Variants in ROBO2 observed in about 807,000 individuals in gnomAD.
ROBO2 encodes roundabout homolog 2.
A neutral mutation model predicts 160.8 loss-of-function variants in ROBO2; 53 were observed. The ratio of observed to expected loss-of-function variants is 0.33; its 90% CI spans 0.26 to 0.41. The LOEUF is 0.41. Ranked by LOEUF, ROBO2 falls within the 10% of genes least tolerant of loss-of-function variation. The pLI is 1.00. For missense variants in ROBO2, 1,577 were observed against 1,722.4 expected, an observed-to-expected ratio of 0.92 and a Z score of 1.49; for synonymous variants, 664 against 611.7, an observed-to-expected ratio of 1.09 and a Z score of -1.26.
chr3:77,255,731 A>T (rs769140272), intron 2 of ROBO2, among the ~76,000 whole-genome samples: 3 of 152,226 alleles, frequency 2.0e-5, no homozygotes, highest in Non-Finnish European at 4.4e-5. Flanking sequence ...TTTTGTGTTC[A>T]TGGTGGAGGA....
chr3:76,072,395 T>A (rs1291154546), intron 2 of ROBO2, among the ~76,000 whole-genome samples: 1 of 152,156 alleles, frequency 6.6e-6, no homozygotes, highest in Non-Finnish European at 1.5e-5. Flanking sequence ...TAGCCAATGC[T>A]ATATATTTCT....
intron 2 of ROBO2, among the ~76,000 whole-genome samples, chr3:76,598,991 A>G (rs947970759): frequency 6.6e-6 from 1 of 152,200 alleles, no homozygotes; most frequent in African/African-American, 2.4e-5. Flanking sequence ...CTTCAAAGAC[A>G]GCAAAAAGTA....
chr3:76,814,135 T>C (rs548435777), intron 2 of ROBO2, among the ~76,000 whole-genome samples: 4 of 152,218 alleles, frequency 2.6e-5, no homozygotes, highest in Admixed American at 2.0e-4. Flanking sequence ...CTGGTTAGTA[T>C]GTAAGATAAA....
At chr3:76,483,559 A>G (rs1025680603) in intron 2 of ROBO2, among the ~76,000 whole-genome samples, 1 of 152,112 alleles carries the variant, frequency 6.6e-6, no homozygotes, top group Non-Finnish European at 1.5e-5. Context: ...TATTATCTCT[A>G]CCAGAATGTT....
At chr3:76,774,703 C>T (rs952396848) in intron 2 of ROBO2, among the ~76,000 whole-genome samples, 4 of 150,492 alleles carry the variant, frequency 2.7e-5, no homozygotes, top group East Asian at 2.0e-4. Flanking sequence ...TAATTATTTG[C>T]GTTTGAAAGA....
At chr3:76,472,753 A>C (rs1202067751) in intron 2 of ROBO2, among the ~76,000 whole-genome samples, 3 of 152,192 alleles carry the variant, frequency 2.0e-5, no homozygotes, top group Admixed American at 1.3e-4. Context: ...AGATGCTTGA[A>C]AGGCATCAGA....
At chr3:76,820,507 G>A (rs1012979378) in intron 2 of ROBO2, among the ~76,000 whole-genome samples, 4 of 151,890 alleles carry the variant, frequency 2.6e-5, no homozygotes, top group African/African-American at 7.3e-5. Context: ...TCCTGGTAGG[G>A]CCAATAAAGA....
chr3:76,788,900 T>A (rs1270773625), intron 2 of ROBO2, among the ~76,000 whole-genome samples: 1 of 151,600 alleles, frequency 6.6e-6, no homozygotes, highest in Non-Finnish European at 1.5e-5. Context: ...ACTGATCCTA[T>A]TATAGCAAAT....
chr3:76,561,298 A>G (rs1054480558), intron 2 of ROBO2, among the ~76,000 whole-genome samples: 10 of 152,132 alleles, frequency 6.6e-5, no homozygotes, highest in Non-Finnish European at 1.3e-4. Context: ...CGAGAGGAGG[A>G]AGCAGTCAAA....
chr3:76,074,539 C>A (rs2068580720), intron 2 of ROBO2, among the ~76,000 whole-genome samples: 1 of 152,018 alleles, frequency 6.6e-6, no homozygotes, highest in Non-Finnish European at 1.5e-5. Flanking sequence ...ACAGAGGTGC[C>A]AAAACATATC....
chr3:77,350,904 A>C (rs2068259525), intron 2 of ROBO2, among the ~76,000 whole-genome samples: 1 of 152,182 alleles, frequency 6.6e-6, no homozygotes, highest in Non-Finnish European at 1.5e-5. Flanking sequence ...CCAGCCAGAG[A>C]ACTAAACACA....
At chr3:77,436,488 T>A (rs1307381561) in intron 2 of ROBO2, among the ~76,000 whole-genome samples, 1 of 151,862 alleles carries the variant, frequency 6.6e-6, no homozygotes, top group Non-Finnish European at 1.5e-5. Flanking sequence ...TTGGGCTTGT[T>A]ACATTTTAAG....
At chr3:76,782,690 T>TAA (rs1437510627) in intron 2 of ROBO2, among the ~76,000 whole-genome samples, 1 of 150,820 alleles carries the variant, frequency 6.6e-6, no homozygotes, top group African/African-American at 2.4e-5. Flanking sequence ...CATATATATA[T>TAA]AACCAACTCT....
chr3:77,457,530 T>G (rs1252072838), intron 2 of ROBO2, among the ~76,000 whole-genome samples: 2 of 152,168 alleles, frequency 1.3e-5, no homozygotes. Context: ...GGTTATTCAC[T>G]AAGAATTGGT....
chr3:77,214,135 G>A (rs912364379), intron 2 of ROBO2, among the ~76,000 whole-genome samples: 1 of 152,086 alleles, frequency 6.6e-6, no homozygotes, highest in African/African-American at 2.4e-5. Context: ...GGATATCCTT[G>A]TTAACTTTCT....
intron 2 of ROBO2, among the ~76,000 whole-genome samples, chr3:76,063,495 C>A (rs1457237871): frequency 2.6e-5 from 4 of 151,784 alleles, no homozygotes; most frequent in African/African-American, 9.7e-5. Flanking sequence ...CAGGTGTTGC[C>A]ACCACACATG....
chr3:77,578,394 A>G (rs1485437433), intron 15 of ROBO2, among the ~76,000 whole-genome samples: 1 of 152,098 alleles, frequency 6.6e-6, no homozygotes, highest in Non-Finnish European at 1.5e-5. Context: ...TTATTAATAA[A>G]TATTTCTAGA....
chr3:76,285,023 T>G (rs1051526865), intron 2 of ROBO2, among the ~76,000 whole-genome samples: 1 of 152,170 alleles, frequency 6.6e-6, no homozygotes, highest in Non-Finnish European at 1.5e-5. Context: ...TGCCCACTTA[T>G]GCTGGGAGAA....
intron 2 of ROBO2, among the ~76,000 whole-genome samples, chr3:76,008,641 A>G (rs1312992467): frequency 6.6e-6 from 1 of 152,192 alleles, no homozygotes; most frequent in Non-Finnish European, 1.5e-5. Context: ...CTAATTTTAT[A>G]CATCAAATGA....
Sources: gnomAD v4.1 joint callset for allele counts (sites outside exome capture counted in the v4.1 genomes callset) on GRCh38, gnomAD v4.1.1 for gene constraint, MANE v1.5 for transcripts, NCBI Gene and HGNC (gene_info 2026-07-23, HGNC 2026-07-21) for gene names.